PCDHA8: variants seen among roughly 807,000 people sequenced by gnomAD.
PCDHA8 encodes protocadherin alpha-8.
PCDHA8 carries 53 observed loss-of-function variants against 61.8 expected under a neutral mutation model. The ratio of observed to expected loss-of-function variants is 0.86; its 90% confidence interval spans 0.69 to 1.08. The LOEUF is 1.08. PCDHA8 is among the 50% of genes least tolerant of loss of function. PCDHA8 has a pLI of 0.00. For synonymous variants in PCDHA8, 618 were observed against 556.6 expected, an observed-to-expected ratio of 1.11 and a Z score of -1.55; for missense variants, 1,293 against 1,245.0, an observed-to-expected ratio of 1.04 and a Z score of -0.58.
chr5:140,876,250 A>T, intron 1 of PCDHA8: 1 of 1,614,046 alleles, frequency 6.2e-7, no homozygotes, highest in South Asian at 1.1e-5. Flanking sequence ...AAACGACACA[A>T]GAGTGATCCA....
At chr5:140,906,416 T>A (rs2072639287) in intron 1 of PCDHA8, among the ~76,000 whole-genome samples, 1 of 152,190 alleles carries the variant, frequency 6.6e-6, no homozygotes, top group African/African-American at 2.4e-5. Flanking sequence ...AGTCAATAAA[T>A]CTTATGTCAC....
intron 1 of PCDHA8, among the ~76,000 whole-genome samples, chr5:140,872,587 A>AC (rs777810037): frequency 6.0e-4 from 91 of 152,014 alleles, no homozygotes; most frequent in Middle Eastern, 3.4e-3. Flanking sequence ...TCATCGTGAG[A>AC]CCCCCATCTG....
At chr5:140,982,127 C>G (rs1367393953) in intron 2 of PCDHA8, among the ~76,000 whole-genome samples, 1 of 152,244 alleles carries the variant, frequency 6.6e-6, no homozygotes, top group Non-Finnish European at 1.5e-5. Flanking sequence ...CTTTTGAGAA[C>G]AAGCCCTCCT....
intron 1 of PCDHA8, chr5:140,871,299 G>A (rs782459625): frequency 1.9e-6 from 3 of 1,613,916 alleles, no homozygotes; most frequent in South Asian, 1.1e-5. Context: ...GCGCGTGCGC[G>A]CCGGGGAAGC....
rs1439259875 is a variant in PCDHA8 at position 141,011,882 on chromosome 5, GATTA to G, written c.*1950_*1953del. On this transcript the variant is annotated 3_prime_UTR_variant, in exon 4 of 4. Coordinates refer to ENST00000531613, the MANE Select transcript of PCDHA8 (RefSeq NM_018911.3). ...GTTATAATGTACAATTTAGAAGTTTGATTAATTATATTATCTATTTAGGCATTAA... is the reference window on the plus strand; with the variant it reads ...GTTATAATGTACAATTTAGAAGTTTGATTATATTATCTATTTAGGCATTAA... 2.0e-5 allele frequency: 3 copies of G among 153,360 alleles called. No homozygotes were observed. Among genetic ancestry groups the G allele is most frequent in the Non-Finnish European group, 4.4e-5 (3 of 68,010 alleles). 9.5% of individuals were successfully genotyped at this position (153,360 alleles called of 1,614,324 possible).
chr5:140,876,827 C>G, intron 1 of PCDHA8: 1 of 1,614,182 alleles, frequency 6.2e-7, no homozygotes, highest in Non-Finnish European at 8.5e-7. Flanking sequence ...AACGACAATG[C>G]GCCTGCGTTC....
At chr5:140,927,316 C>A in intron 1 of PCDHA8, 1 of 1,614,198 alleles carries the variant, frequency 6.2e-7, no homozygotes, top group Non-Finnish European at 8.5e-7. Flanking sequence ...GCCCGGAGCC[C>A]GCTTTACTCT....
chr5:140,966,022 T>G (rs2095958244), intron 1 of PCDHA8, among the ~76,000 whole-genome samples: 1 of 151,842 alleles, frequency 6.6e-6, no homozygotes, highest in South Asian at 2.1e-4. Flanking sequence ...GATGTGGGAG[T>G]CAGGTGAATA....
At chr5:140,937,866 C>T (rs892440956) in intron 1 of PCDHA8, among the ~76,000 whole-genome samples, 4 of 150,734 alleles carry the variant, frequency 2.7e-5, no homozygotes, top group African/African-American at 4.9e-5. Flanking sequence ...GAGCCGAGAT[C>T]GCGCCACTGC....
chr5:140,910,281 A>G (rs1198162778), intron 1 of PCDHA8, among the ~76,000 whole-genome samples: 4 of 151,152 alleles, frequency 2.6e-5, no homozygotes, highest in East Asian at 2.0e-4. Context: ...TAGGAACACC[A>G]TGATTAATCA....
chr5:140,946,199 A>G (rs1300104764), intron 1 of PCDHA8, among the ~76,000 whole-genome samples: 10 of 151,964 alleles, frequency 6.6e-5, no homozygotes, highest in Admixed American at 5.2e-4. Context: ...CTCAAAAGAA[A>G]GCACACAAAT....
chr5:140,926,756 G>T, intron 1 of PCDHA8: 1 of 1,289,704 alleles, frequency 7.8e-7, no homozygotes, highest in South Asian at 2.2e-5. Context: ...GGCGGTCGCT[G>T]AGTATCCAGC....
intron 1 of PCDHA8, chr5:140,875,679 A>T (rs1554167850): frequency 4.3e-6 from 7 of 1,613,916 alleles, no homozygotes; most frequent in Non-Finnish European, 8.5e-7. Context: ...TGGCGTCCAA[A>T]AGACACGGGG....
intron 1 of PCDHA8, chr5:140,869,781 T>C (rs781934601): frequency 6.2e-7 from 1 of 1,612,992 alleles, no homozygotes; most frequent in South Asian, 1.1e-5. Context: ...CTGGCACCGT[T>C]CGGCTGTTAG....
At chr5:140,872,792 G>A (rs1474880199) in intron 1 of PCDHA8, among the ~76,000 whole-genome samples, 1 of 152,054 alleles carries the variant, frequency 6.6e-6, no homozygotes, top group Non-Finnish European at 1.5e-5. Context: ...ATGCTAGTTG[G>A]CATTCTTCCA....
At chr5:140,919,175 T>C (rs1282672890) in intron 1 of PCDHA8, among the ~76,000 whole-genome samples, 1 of 152,248 alleles carries the variant, frequency 6.6e-6, no homozygotes, top group Non-Finnish European at 1.5e-5. Context: ...AGTTGCTATA[T>C]CTTCCTGATT....
At chr5:140,887,396 C>T (rs2153420229) in intron 1 of PCDHA8, among the ~76,000 whole-genome samples, 1 of 152,174 alleles carries the variant, frequency 6.6e-6, no homozygotes, top group Non-Finnish European at 1.5e-5. Flanking sequence ...GCGCCCGGCT[C>T]TTTATCTCAT....
rs372392810 is a variant in PCDHA8, at chr5:140,953,521, C to T, written c.2395-25428C>T. On this transcript the variant is annotated intron_variant, in intron 1 of 3. Coordinates refer to ENST00000531613, the MANE Select transcript of PCDHA8 (RefSeq NM_018911.3). Reference sequence around the variant, plus strand: ...AGCTATTAGGCCAAAGCAACAAAAACGGGAAACTCACTTCATGCTGATTCT... The same window carrying T: ...AGCTATTAGGCCAAAGCAACAAAAATGGGAAACTCACTTCATGCTGATTCT... 2.0e-5 allele frequency among the ~76,000 whole-genome samples: 3 copies of T among 152,230 alleles called. No individual in the cohort carries two copies. In the East Asian group the frequency reaches 5.8e-4, roughly 29 times the overall value.
At chr5:140,938,535 T>C (rs1213072173) in intron 1 of PCDHA8, among the ~76,000 whole-genome samples, 2 of 140,516 alleles carry the variant, frequency 1.4e-5, no homozygotes, top group African/African-American at 2.6e-5. Flanking sequence ...ATGGATAATA[T>C]GGATTTTTAT....
Sources: allele counts gnomAD v4.1 joint callset (sites outside exome capture counted in the v4.1 genomes callset), GRCh38; gene constraint gnomAD v4.1.1; transcripts MANE v1.5; gene names NCBI Gene and HGNC (gene_info 2026-07-23, HGNC 2026-07-21).